Variants in MSRA observed in about 807,000 individuals in gnomAD.
The protein encoded by MSRA is mitochondrial peptide methionine sulfoxide reductase.
Under a neutral mutation model 31.3 loss-of-function variants are expected in MSRA, and 54 were observed. The ratio of observed to expected loss-of-function variants is 1.73; its 90% confidence interval spans 1.39 to 2.17. The LOEUF (loss-of-function observed/expected upper bound fraction) is 2.17. Among genes scored for constraint, MSRA ranks in the 30% most tolerant of loss-of-function variants. MSRA has a pLI of 0.00. For synonymous variants in MSRA, 169 were observed against 116.5 expected (o/e 1.45, Z -2.90); for missense variants, 507 against 300.9 (o/e 1.69, Z -5.07).
At chr8:10,075,249 T>C (rs552423360) in intron 1 of MSRA, among the ~76,000 whole-genome samples, 1 of 152,326 alleles carries the variant, frequency 6.6e-6, no homozygotes, top group South Asian at 2.1e-4. Flanking sequence ...ATTAGTTAAA[T>C]GAACTAAAGA....
intron 5 of MSRA, among the ~76,000 whole-genome samples, chr8:10,345,908 C>G (rs1323928987): frequency 6.6e-6 from 1 of 152,176 alleles, no homozygotes; most frequent in Admixed American, 6.5e-5. Context: ...ACTTGGCAAC[C>G]TACTTTATTT....
chr8:10,402,533 G>C (rs1563440113), intron 5 of MSRA, among the ~76,000 whole-genome samples: 1 of 152,216 alleles, frequency 6.6e-6, no homozygotes. Context: ...TGCCCCCATA[G>C]CCCAAGATGC....
intron 2 of MSRA, among the ~76,000 whole-genome samples, chr8:10,229,465 G>C (rs1811277503): frequency 6.6e-6 from 1 of 152,158 alleles, no homozygotes; most frequent in Admixed American, 6.5e-5. Flanking sequence ...GGCCGGCTCT[G>C]AGGCTGTACC....
intron 1 of MSRA, among the ~76,000 whole-genome samples, chr8:10,070,699 C>G (rs1482545966): frequency 6.6e-6 from 1 of 152,202 alleles, no homozygotes; most frequent in Non-Finnish European, 1.5e-5. Context: ...CACTCCTGTT[C>G]TCCATTGCTG....
chr8:10,277,836 A>G (rs1799405069), intron 3 of MSRA, among the ~76,000 whole-genome samples: 1 of 72,570 alleles, frequency 1.4e-5, no homozygotes, highest in Non-Finnish European at 2.9e-5. Context: ...TCAACAATGT[A>G]TACATATTTG....
At chr8:10,346,437 C>T (rs1803781337) in intron 5 of MSRA, among the ~76,000 whole-genome samples, 1 of 152,176 alleles carries the variant, frequency 6.6e-6, no homozygotes, top group South Asian at 2.1e-4. Flanking sequence ...ATCCTGCATC[C>T]ACTGCACCCT....
At chr8:10,398,455 C>T (rs1309514815) in intron 5 of MSRA, among the ~76,000 whole-genome samples, 3 of 152,232 alleles carry the variant, frequency 2.0e-5, no homozygotes, top group Non-Finnish European at 4.4e-5. Context: ...GAAGTCTGAG[C>T]ACAGTTTTCT....
At chr8:10,220,127 G>C (rs1810366581) in intron 2 of MSRA, among the ~76,000 whole-genome samples, 3 of 152,130 alleles carry the variant, frequency 2.0e-5, no homozygotes, top group African/African-American at 4.8e-5. Context: ...AAAAGCCCAC[G>C]ATCATTGTAT....
At chr8:10,390,951 G>C (rs1016197768) in intron 5 of MSRA, among the ~76,000 whole-genome samples, 2 of 150,332 alleles carry the variant, frequency 1.3e-5, no homozygotes, top group African/African-American at 2.4e-5. Flanking sequence ...ACTCCAGCCT[G>C]GGCGATAAGT....
At chr8:10,180,623 C>T (rs572020780) in intron 1 of MSRA, among the ~76,000 whole-genome samples, 10 of 152,286 alleles carry the variant, frequency 6.6e-5, no homozygotes, top group Middle Eastern at 3.4e-3. Flanking sequence ...CAAGATGCTC[C>T]CCTTACCCCC....
intron 3 of MSRA, among the ~76,000 whole-genome samples, chr8:10,298,701 A>T (rs903884520): frequency 6.6e-6 from 1 of 152,226 alleles, no homozygotes; most frequent in South Asian, 2.1e-4. Flanking sequence ...TAAATCATAA[A>T]GTAACAGCTT....
chr8:10,119,297 A>C (rs1399200081), intron 1 of MSRA, among the ~76,000 whole-genome samples: 1 of 152,210 alleles, frequency 6.6e-6, no homozygotes, highest in Non-Finnish European at 1.5e-5. Flanking sequence ...TCTTTGTCCG[A>C]CAGAAGACTT....
At chr8:10,348,387 A>G (rs1242493442) in intron 5 of MSRA, among the ~76,000 whole-genome samples, 1 of 82,602 alleles carries the variant, frequency 1.2e-5, no homozygotes, top group African/African-American at 4.5e-5. Context: ...TTTTTTGGAC[A>G]GAGTCTTGCT....
rs1802177300 is a variant in MSRA at position 10,054,537 on chromosome 8, G to A, written c.21G>A (p.Arg7=). ...CTCCCATGCTCTCGGCCACCCGGAG[G>A]GCTTGCCAGCTCCTCCTCCTCCACA... MLSATR[R]ACQLLLLHSL... The change falls in exon 1 of 6, where the codon AGG becomes AGA. Residue 7 remains arginine (R), a synonymous_variant. Transcript: ENST00000317173. 1.3e-6 allele frequency: 2 copies of A among 1,586,028 alleles called. No individual in the cohort carries two copies. Among genetic ancestry groups the A allele is most frequent in the Admixed American group, 1.7e-5 (1 of 57,212 alleles).
At chr8:10,205,303 A>G (rs1252258907) in intron 1 of MSRA, among the ~76,000 whole-genome samples, 2 of 152,044 alleles carry the variant, frequency 1.3e-5, no homozygotes, top group Admixed American at 1.3e-4. Flanking sequence ...AATGAAAAAA[A>G]GAAGTGAGGG....
At chr8:10,187,316 A>C (rs1807140734) in intron 1 of MSRA, among the ~76,000 whole-genome samples, 1 of 152,142 alleles carries the variant, frequency 6.6e-6, no homozygotes, top group Admixed American at 6.6e-5. Context: ...TGGAGTAAAA[A>C]TTTTTGTATT....
chr8:10,235,929 C>T (rs758147077), intron 2 of MSRA, among the ~76,000 whole-genome samples: 3 of 152,142 alleles, frequency 2.0e-5, no homozygotes, highest in Non-Finnish European at 4.4e-5. Flanking sequence ...ACAGGTAGTT[C>T]AGTGTTAAAA....
intron 1 of MSRA, among the ~76,000 whole-genome samples, chr8:10,072,651 C>G (rs1797795347): frequency 6.6e-6 from 1 of 152,162 alleles, no homozygotes. Context: ...AACAGAAAAA[C>G]CTTGCTAGGA....
At chr8:10,121,768 T>G (rs1801124992) in intron 1 of MSRA, among the ~76,000 whole-genome samples, 1 of 151,816 alleles carries the variant, frequency 6.6e-6, no homozygotes, top group African/African-American at 2.4e-5. Context: ...ACTCCTAAGC[T>G]CAAGCGATCC....
Sources: allele counts gnomAD v4.1 joint callset (sites outside exome capture counted in the v4.1 genomes callset), GRCh38; gene constraint gnomAD v4.1.1; transcripts MANE v1.5; gene names NCBI Gene and HGNC (gene_info 2026-07-23, HGNC 2026-07-21).